The following ANXA5 variants were observed in gnomAD, a reference collection of about 807,000 sequenced individuals.
ANXA5 encodes the protein annexin A5.
ANXA5 carries 40 observed loss-of-function variants against 48.1 expected under a neutral mutation model. That is an observed-to-expected ratio of 0.83 (90% CI 0.65 to 1.08). The LOEUF (loss-of-function observed/expected upper bound fraction) is 1.08. Among genes scored for constraint, ANXA5 ranks in the 50% least tolerant of loss-of-function variants. The pLI is 0.00. For synonymous variants in ANXA5, 113 were observed against 129.1 expected, an observed-to-expected ratio of 0.88 and a Z score of 0.85; for missense variants, 357 against 376.8, an observed-to-expected ratio of 0.95 and a Z score of 0.44.
Position 121,686,314 on chromosome 4 carries a change from G to C in ANXA5, c.68C>G (p.Thr23Ser). 1.2e-6 allele frequency: 2 copies of C among 1,614,128 alleles called. No homozygotes were observed. Among genetic ancestry groups the C allele is most frequent in the Non-Finnish European group, 1.7e-6 (2 of 1,179,994 alleles). ...PGFDERADAE[T>S]LRKAMKGLGT... ...CAAGCCTTTCATAGCCTTCCGAAGA[G>C]TTTCTGCATCAGCCCGCTCATCAAA... Residue 23 changes from threonine (T) to serine (S), a missense_variant, in exon 3 of 13, where the codon ACT (threonine) becomes AGT (serine). Transcript: ENST00000296511.
intron 2 of ANXA5, among the ~76,000 whole-genome samples, chr4:121,688,809 A>G (rs1200589070): frequency 1.3e-5 from 2 of 152,190 alleles, no homozygotes; most frequent in Non-Finnish European, 2.9e-5. Context: ...CACCACTGGC[A>G]GCAGCTTTCA....
chr4:121,688,487 G>T (rs190410509), intron 2 of ANXA5, among the ~76,000 whole-genome samples: 101 of 152,228 alleles, frequency 6.6e-4, no homozygotes, highest in Admixed American at 1.2e-3. Context: ...ATTCAGAGTT[G>T]AACCTAATCT....
At chr4:121,680,827 G>A (rs544428011) in intron 6 of ANXA5, among the ~76,000 whole-genome samples, 3 of 152,332 alleles carry the variant, frequency 2.0e-5, no homozygotes, top group Admixed American at 2.0e-4. Flanking sequence ...AGAGAAGCAG[G>A]AAAGAGAGAT....
At chr4:121,669,793 G>C (rs541155554) in intron 11 of ANXA5, 69 bp from the exon 12 acceptor site, 5 of 1,550,142 alleles carry the variant, frequency 3.2e-6, no homozygotes, top group Middle Eastern at 1.7e-4. Flanking sequence ...AAATGCTCCC[G>C]GGTGCGGGTG....
At position 121,669,663 on chromosome 4, in the gene ANXA5, A is replaced by G. The variant is rs1560822946; in HGVS notation, c.842T>C (p.Leu281Pro). 1.2e-6 allele frequency: 2 copies of G among 1,613,456 alleles called. No individual in the cohort carries two copies. Among genetic ancestry groups the G allele is most frequent in the Non-Finnish European group, 1.7e-6 (2 of 1,179,700 alleles). ...CCTAAACTCCTTCCTGATGTTAAAC[A>G]GATCAATCTCACTCCTGGAAACCAT... ...RVMVSRSEIDLFNIRKEFRKN... is the reference protein window; with the variant it reads ...RVMVSRSEIDPFNIRKEFRKN... Residue 281 changes from leucine (L) to proline (P), a missense_variant, in exon 12 of 13, where the codon CTG (leucine) becomes CCG (proline). Transcript: ENST00000296511.
chr4:121,672,471 C>T, intron 9 of ANXA5, 62 bp downstream of exon 9: 1 of 1,161,598 alleles, frequency 8.6e-7, no homozygotes, highest in Non-Finnish European at 1.3e-6. Context: ...TTCTGTCACA[C>T]TGGCTCATGC....
At chr4:121,687,045 G>A (rs947837216) in intron 2 of ANXA5, among the ~76,000 whole-genome samples, 3 of 152,050 alleles carry the variant, frequency 2.0e-5, no homozygotes, top group African/African-American at 7.2e-5. Context: ...AGTGGCTCAC[G>A]CCTGTAATCC....
intron 2 of ANXA5, among the ~76,000 whole-genome samples, chr4:121,689,315 T>C (rs1427011018): frequency 2.0e-5 from 3 of 152,180 alleles, no homozygotes; most frequent in African/African-American, 4.8e-5. Flanking sequence ...TTTTTACTCA[T>C]TGACTCACCA....
chr4:121,681,844 A>G (rs1398948418), intron 5 of ANXA5, 83 bp from the exon 6 acceptor site: 23 of 879,486 alleles, frequency 2.6e-5, no homozygotes, highest in Non-Finnish European at 4.0e-5. Context: ...TGTTACCCAA[A>G]TTGCATAGTT....
chr4:121,679,214 A>C (rs10019175), intron 6 of ANXA5, among the ~76,000 whole-genome samples: 4 of 152,298 alleles, frequency 2.6e-5, no homozygotes, highest in African/African-American at 9.6e-5. Context: ...GAAGAGTTAC[A>C]TGTTTATTTC....
At chr4:121,670,273 G>C (rs1316287458) in intron 10 of ANXA5, among the ~76,000 whole-genome samples, 1 of 152,162 alleles carries the variant, frequency 6.6e-6, no homozygotes, top group Non-Finnish European at 1.5e-5. Flanking sequence ...TATGCGCCTT[G>C]GTTCTGTGAA....
intron 2 of ANXA5, among the ~76,000 whole-genome samples, chr4:121,692,304 C>A (rs28454132): frequency 0.23 from 34,297 of 152,102 alleles, 4,167 homozygotes; most frequent in African/African-American, 0.32. Flanking sequence ...TTGTGTATTT[C>A]TTTAATGCTC....
intron 1 of ANXA5, 33 bp from the exon 2 acceptor site, chr4:121,696,657 G>C (rs1299813811): frequency 1.5e-5 from 19 of 1,306,880 alleles, no homozygotes; most frequent in Non-Finnish European, 1.9e-5. Context: ...GGCTTAGCGC[G>C]CCATTTGCAA....
chr4:121,677,276 A>G (rs1560825489), intron 8 of ANXA5, among the ~76,000 whole-genome samples: 1 of 152,194 alleles, frequency 6.6e-6, no homozygotes, highest in African/African-American at 2.4e-5. Flanking sequence ...TTTATTACCA[A>G]TTTCCAGTTT....
In ANXA5 at chr4:121,670,107, A is replaced by T. The variant is rs1452420146; in HGVS notation, c.722-95T>A. ...AGTGCTGCTTCCTGCTTATAGCTCTACTTCTATAAAAACACAAAAGTACCA... is the reference window on the plus strand; with the variant it reads ...AGTGCTGCTTCCTGCTTATAGCTCTTCTTCTATAAAAACACAAAAGTACCA... On this transcript the variant is annotated intron_variant, in intron 10 of 12. Coordinates refer to ENST00000296511, the MANE Select transcript of ANXA5 (RefSeq NM_001154.4). 4.7e-6 allele frequency: 4 copies of T among 856,922 alleles called. No individual in the cohort carries two copies. The African/African-American group carries it at 7.1e-5, about 15-fold the overall frequency. 53.1% of individuals were successfully genotyped at this position (856,922 alleles called of 1,614,324 possible).
chr4:121,669,290 T>A, intron 12 of ANXA5: 1 of 227,496 alleles, frequency 4.4e-6, no homozygotes, highest in Non-Finnish European at 8.5e-6. Flanking sequence ...CAGCTGGAAT[T>A]GATAAAAGAC....
At chr4:121,693,085 T>A (rs1354907192) in intron 2 of ANXA5, among the ~76,000 whole-genome samples, 1 of 152,074 alleles carries the variant, frequency 6.6e-6, no homozygotes, top group East Asian at 1.9e-4. Flanking sequence ...AATACAAAAA[T>A]TAGCCAGGCG....
rs1724629457 is a variant in ANXA5, at chr4:121,672,505, C to T, written c.625+28G>A. ...GCACTTTCCAAATTTACCAATGTAT[C>T]TGCCCCATACAGATTTTTTTCACTC... On this transcript the variant is annotated intron_variant, in intron 9 of 12. Coordinates refer to ENST00000296511, the MANE Select transcript of ANXA5 (RefSeq NM_001154.4). 3 of 1,534,526 alleles carry T rather than the reference C, an allele frequency of 2.0e-6. No individual in the cohort carries two copies. In the East Asian group the frequency reaches 6.8e-5, roughly 35 times the overall value.
At chr4:121,671,059 ATATT>A (rs1560823483) in intron 10 of ANXA5, among the ~76,000 whole-genome samples, 1 of 152,220 alleles carries the variant, frequency 6.6e-6, no homozygotes, top group African/African-American at 2.4e-5. Context: ...ATTATTCTGA[ATATT>A]TAATTAAAAT....
Sources: allele counts gnomAD v4.1 joint callset (sites outside exome capture counted in the v4.1 genomes callset), GRCh38; gene constraint gnomAD v4.1.1; transcripts MANE v1.5; gene names NCBI Gene and HGNC (gene_info 2026-07-23, HGNC 2026-07-21).